Variants in MSRA observed in about 807,000 individuals in gnomAD.
MSRA encodes methionine sulfoxide reductase A, also known as mitochondrial peptide methionine sulfoxide reductase.
Under a neutral mutation model 31.3 loss-of-function variants are expected in MSRA, and 54 were observed. That is an observed-to-expected ratio of 1.73 (90% CI 1.39 to 2.17). The LOEUF is 2.17. Ranked by LOEUF, MSRA falls within the 30% of genes most tolerant of loss-of-function variation. The probability of loss-of-function intolerance (pLI) is 0.00; values close to 1 mark genes in which losing one functional copy is unlikely to be tolerated. For missense variants in MSRA, 507 were observed against 300.9 expected (o/e 1.69, Z -5.07); for synonymous variants, 169 against 116.5 (o/e 1.45, Z -2.90).
intron 5 of MSRA, among the ~76,000 whole-genome samples, chr8:10,357,788 G>A (rs1043066142): frequency 6.6e-6 from 1 of 152,216 alleles, no homozygotes; most frequent in Non-Finnish European, 1.5e-5. Context: ...TGTGTAGTGC[G>A]TATGTTGGGG....
chr8:10,196,065 G>C (rs767109392), intron 1 of MSRA, among the ~76,000 whole-genome samples: 1 of 152,180 alleles, frequency 6.6e-6, no homozygotes, highest in Non-Finnish European at 1.5e-5. Context: ...TGCGGGGTGG[G>C]GGAGCCACTG....
At chr8:10,312,781 G>T (rs1182325400) in intron 4 of MSRA, among the ~76,000 whole-genome samples, 1 of 152,010 alleles carries the variant, frequency 6.6e-6, no homozygotes, top group Non-Finnish European at 1.5e-5. Context: ...CACCTTAGCA[G>T]GTATTTTAAA....
chr8:10,390,848 C>A (rs974438701), intron 5 of MSRA, among the ~76,000 whole-genome samples: 1 of 152,056 alleles, frequency 6.6e-6, no homozygotes, highest in Non-Finnish European at 1.5e-5. Flanking sequence ...CGGTGGCAGG[C>A]GCCTGTAGTC....
intron 1 of MSRA, among the ~76,000 whole-genome samples, chr8:10,091,120 G>A (rs934719446): frequency 1.3e-5 from 2 of 152,098 alleles, no homozygotes; most frequent in African/African-American, 4.8e-5. Flanking sequence ...TCTTTTCCTA[G>A]GATAAATCCC....
At chr8:10,110,143 C>A (rs937970777) in intron 1 of MSRA, among the ~76,000 whole-genome samples, 2 of 152,126 alleles carry the variant, frequency 1.3e-5, no homozygotes, top group Non-Finnish European at 2.9e-5. Context: ...TCCACAAGGC[C>A]CACATCTGGA....
chr8:10,282,769 C>G (rs2975639), intron 3 of MSRA, among the ~76,000 whole-genome samples: 8 of 152,152 alleles, frequency 5.3e-5, no homozygotes, highest in African/African-American at 1.7e-4. Context: ...ACCTTCCACT[C>G]TTATCAGTGC....
rs117320103 is a variant in MSRA, at chr8:10,327,511, T to C, written c.543+7522T>C. On this transcript the variant is annotated intron_variant, in intron 5 of 5. Transcript: ENST00000317173. ...AGTTTTGATTATTTAATTTTCTTCC[T>C]GCTTAGATTGCAGCCAGATATTTAG... 3.7e-3 allele frequency among the ~76,000 whole-genome samples: 558 copies of C among 152,360 alleles called. 1 individual carries two copies. The highest frequency in any genetic ancestry group is 6.2e-3 in the Non-Finnish European group (425 of 68,038).
chr8:10,414,632 T>C (rs1808348908), intron 5 of MSRA, among the ~76,000 whole-genome samples: 1 of 152,254 alleles, frequency 6.6e-6, no homozygotes, highest in African/African-American at 2.4e-5. Context: ...CATTGCCCAC[T>C]GAATTCAGTG....
intron 1 of MSRA, among the ~76,000 whole-genome samples, chr8:10,157,742 C>T (rs915265985): frequency 1.3e-5 from 2 of 152,048 alleles, no homozygotes; most frequent in African/African-American, 2.4e-5. Context: ...ATTGCAATTG[C>T]TGATAGGCCT....
At chr8:10,270,604 C>T (rs1297173275) in intron 3 of MSRA, among the ~76,000 whole-genome samples, 2 of 152,124 alleles carry the variant, frequency 1.3e-5, no homozygotes, top group South Asian at 2.1e-4. Context: ...ACTGAAACCA[C>T]GTCAGAGCAG....
chr8:10,061,632 G>C (rs35349653), intron 1 of MSRA, among the ~76,000 whole-genome samples: 28,793 of 151,962 alleles, frequency 0.19, 3,784 homozygotes, highest in East Asian at 0.54. Flanking sequence ...AGTCAATAGT[G>C]TTTTATGAAC....
At chr8:10,141,450 C>G (rs1002328250) in intron 1 of MSRA, among the ~76,000 whole-genome samples, 1 of 152,192 alleles carries the variant, frequency 6.6e-6, no homozygotes, top group East Asian at 1.9e-4. Flanking sequence ...TACATTGTCA[C>G]CCACACAGGC....
At chr8:10,079,665 G>C (rs796762045) in intron 1 of MSRA, among the ~76,000 whole-genome samples, 1 of 152,124 alleles carries the variant, frequency 6.6e-6, no homozygotes, top group Non-Finnish European at 1.5e-5. Flanking sequence ...ACCTTTCTTA[G>C]TCCTTCATAT....
chr8:10,199,304 C>T (rs1257226024), intron 1 of MSRA, among the ~76,000 whole-genome samples: 2 of 152,068 alleles, frequency 1.3e-5, no homozygotes. Context: ...TAGGCTCACT[C>T]TAGGCTGGGT....
intron 3 of MSRA, among the ~76,000 whole-genome samples, chr8:10,301,292 A>G (rs914528229): frequency 6.6e-6 from 1 of 152,210 alleles, no homozygotes; most frequent in Non-Finnish European, 1.5e-5. Flanking sequence ...AAAACAATTT[A>G]TTAGAGCACA....
At chr8:10,311,300 G>C (rs981539658) in intron 4 of MSRA, among the ~76,000 whole-genome samples, 3 of 152,158 alleles carry the variant, frequency 2.0e-5, no homozygotes. Flanking sequence ...AAAATGGAAG[G>C]CAACACAGGA....
chr8:10,188,477 C>T (rs187310446), intron 1 of MSRA, among the ~76,000 whole-genome samples: 2 of 152,302 alleles, frequency 1.3e-5, no homozygotes, highest in African/African-American at 2.4e-5. Flanking sequence ...TTGATTTCCA[C>T]AATTACGGAT....
intron 1 of MSRA, among the ~76,000 whole-genome samples, chr8:10,119,921 G>A (rs1800983155): frequency 1.3e-5 from 2 of 152,320 alleles, no homozygotes; most frequent in South Asian, 4.1e-4. Flanking sequence ...CTGGCAGAGA[G>A]CTTTGAAGCT....
chr8:10,055,899 G>A (rs1585053660), intron 1 of MSRA, among the ~76,000 whole-genome samples: 1 of 151,922 alleles, frequency 6.6e-6, no homozygotes, highest in Non-Finnish European at 1.5e-5. Flanking sequence ...CTGTTTCCTG[G>A]TTTCCCCATC....
Sources: allele counts gnomAD v4.1 joint callset (sites outside exome capture counted in the v4.1 genomes callset), GRCh38; gene constraint gnomAD v4.1.1; transcripts MANE v1.5; gene names NCBI Gene and HGNC (gene_info 2026-07-23, HGNC 2026-07-21).